The following SRGAP1 variants were observed in gnomAD, a reference collection of about 807,000 sequenced individuals.
SRGAP1 encodes SLIT-ROBO Rho GTPase activating protein 1, also known as SLIT-ROBO Rho GTPase-activating protein 1.
SRGAP1 carries 43 observed loss-of-function variants against 121.9 expected under a neutral mutation model. That is an observed-to-expected ratio of 0.35 (90% CI 0.28 to 0.46). The LOEUF (loss-of-function observed/expected upper bound fraction) is 0.46. SRGAP1 is among the 20% of genes least tolerant of loss of function. The pLI, the probability that SRGAP1 is intolerant of heterozygous loss-of-function variation, is 1.00. For missense variants in SRGAP1, 1,102 were observed against 1,350.9 expected (o/e 0.82, Z 2.89); for synonymous variants, 447 against 485.4 (o/e 0.92, Z 1.04).
chr12:64,021,720 TA>T (rs2034553979), intron 4 of SRGAP1, among the ~76,000 whole-genome samples: 1 of 152,228 alleles, frequency 6.6e-6, no homozygotes, highest in African/African-American at 2.4e-5. Context: ...AGCTCATTTA[TA>T]GTTTTTAGAA....
At chr12:64,108,884 A>G (rs1339822679) in intron 15 of SRGAP1, 48 bp from the exon 16 acceptor site, 10 of 1,417,510 alleles carry the variant, frequency 7.1e-6, no homozygotes, top group Non-Finnish European at 8.8e-6. Flanking sequence ...GTTCTGTTTT[A>G]AATGTGGCAA....
At chr12:63,999,901 A>G (rs1472310653) in intron 3 of SRGAP1, among the ~76,000 whole-genome samples, 1 of 152,136 alleles carries the variant, frequency 6.6e-6, no homozygotes, top group Admixed American at 6.6e-5. Flanking sequence ...AAAACTAGGA[A>G]TTAAAGGATA....
intron 1 of SRGAP1, among the ~76,000 whole-genome samples, chr12:63,852,200 G>T (rs1899099049): frequency 6.6e-6 from 1 of 151,994 alleles, no homozygotes. Flanking sequence ...TGTTGCCCAG[G>T]CTGGTTTCAA....
At chr12:64,062,474 C>G (rs961017195) in intron 6 of SRGAP1, among the ~76,000 whole-genome samples, 1 of 151,870 alleles carries the variant, frequency 6.6e-6, no homozygotes, top group Admixed American at 6.6e-5. Context: ...AAAATATCTT[C>G]CCATTCTGTG....
chr12:64,067,040 A>G (rs1256110645), intron 8 of SRGAP1, among the ~76,000 whole-genome samples: 3 of 152,082 alleles, frequency 2.0e-5, no homozygotes, highest in South Asian at 2.1e-4. Context: ...AAAAGAAAAA[A>G]AAAAGGTCTG....
intron 4 of SRGAP1, among the ~76,000 whole-genome samples, chr12:64,024,578 C>G (rs933916001): frequency 6.6e-6 from 1 of 152,174 alleles, no homozygotes; most frequent in African/African-American, 2.4e-5. Flanking sequence ...TCTAAGGATC[C>G]ATGTCTTGCT....
At chr12:63,994,859 T>A (rs1328686113) in intron 3 of SRGAP1, among the ~76,000 whole-genome samples, 1 of 152,224 alleles carries the variant, frequency 6.6e-6, no homozygotes. Context: ...CTTCTTTCCA[T>A]TACTCATGCT....
rs528073700 is a variant in SRGAP1, at chr12:64,065,099, G to A, written c.1024-19G>A. ...GGTTGATGGTGCCCTGTTGTAACTG[G>A]TTTCTCATTCTCCATCAGGTGTGCC... On this transcript the variant is annotated intron_variant, in intron 7 of 21. Transcript: ENST00000355086. 1 of 1,602,626 alleles carries A rather than the reference G, an allele frequency of 6.2e-7. No homozygotes were observed. Among genetic ancestry groups the A allele is most frequent in the South Asian group, 1.1e-5 (1 of 89,200 alleles).
intron 15 of SRGAP1, among the ~76,000 whole-genome samples, chr12:64,101,606 T>C (rs765590192): frequency 2.8e-4 from 43 of 152,078 alleles, no homozygotes; most frequent in Non-Finnish European, 5.6e-4. Context: ...CCAAGAGTTA[T>C]TTTGTTTTGT....
chr12:64,103,985 C>G (rs1363491649), intron 15 of SRGAP1, among the ~76,000 whole-genome samples: 2 of 152,178 alleles, frequency 1.3e-5, no homozygotes, highest in East Asian at 3.9e-4. Context: ...ATGTGTGTAC[C>G]CACTGTTAAA....
chr12:64,096,349 G>T lies in SRGAP1; in HGVS notation c.1679-892G>T, dbSNP rs1201765869. On this transcript the variant is annotated intron_variant, in intron 14 of 21. Transcript: ENST00000355086. ...GATCCCTAAAAATAAATTGCCCTAA[G>T]AAGCAAAAAAATACGTTAAAATGCA... 3.9e-5 allele frequency among the ~76,000 whole-genome samples: 6 copies of T among 152,104 alleles called. No individual in the cohort carries two copies. The East Asian group carries it at 1.2e-3, about 29-fold the overall frequency.
At chr12:63,953,960 C>T (rs1266574258) in intron 1 of SRGAP1, among the ~76,000 whole-genome samples, 7 of 152,132 alleles carry the variant, frequency 4.6e-5, no homozygotes, top group Non-Finnish European at 7.4e-5. Context: ...TATTTTTCAC[C>T]GTCAATCTTT....
At chr12:64,085,243 T>A (rs1331366498) in intron 10 of SRGAP1, among the ~76,000 whole-genome samples, 2 of 152,186 alleles carry the variant, frequency 1.3e-5, no homozygotes, top group Non-Finnish European at 2.9e-5. Context: ...CATAAAGTCG[T>A]TGTGAAAATT....
In SRGAP1 at chr12:63,858,077, T is replaced by C. The variant is rs113294939; in HGVS notation, c.67+13194T>C. ...CTTTTTCTTTTTGAATCTGTTGATA[T>C]TATGTTTTTTCTTCTTTACTCTGTT... On this transcript the variant is annotated intron_variant, in intron 1 of 21. Transcript: ENST00000355086. 5.6e-3 allele frequency among the ~76,000 whole-genome samples: 849 copies of C among 152,300 alleles called. 2 individuals carry two copies. Among genetic ancestry groups the C allele is most frequent in the Middle Eastern group, 0.01 (3 of 294 alleles).
chr12:64,005,978 AC>A (rs1431163032), intron 3 of SRGAP1, among the ~76,000 whole-genome samples: 4 of 152,162 alleles, frequency 2.6e-5, no homozygotes, highest in South Asian at 2.1e-4. Context: ...TTCAACTGGT[AC>A]CCCCATAGGA....
intron 1 of SRGAP1, among the ~76,000 whole-genome samples, chr12:63,912,804 C>T (rs2030563036): frequency 6.6e-6 from 1 of 152,096 alleles, no homozygotes; most frequent in South Asian, 2.1e-4. Flanking sequence ...AGAGGTAGTT[C>T]AGCCCTGCAA....
At chr12:63,899,347 A>G (rs928355366) in intron 1 of SRGAP1, among the ~76,000 whole-genome samples, 8 of 152,188 alleles carry the variant, frequency 5.3e-5, no homozygotes, top group Non-Finnish European at 7.3e-5. Flanking sequence ...CAAAAAAAAA[A>G]AGGAACCAGG....
chr12:64,043,656 C>A, intron 6 of SRGAP1, 81 bp downstream of exon 6: 2 of 1,113,152 alleles, frequency 1.8e-6, no homozygotes, highest in Non-Finnish European at 2.5e-6. Flanking sequence ...AAAATACTGT[C>A]ATTTCTTAAG....
chr12:64,057,308 G>A (rs1265990859), intron 6 of SRGAP1, among the ~76,000 whole-genome samples: 1 of 152,100 alleles, frequency 6.6e-6, no homozygotes, highest in Non-Finnish European at 1.5e-5. Context: ...TAAATTGTCA[G>A]CTAGCTCTCT....
Sources: allele counts gnomAD v4.1 joint callset (sites outside exome capture counted in the v4.1 genomes callset), GRCh38; gene constraint gnomAD v4.1.1; transcripts MANE v1.5; gene names NCBI Gene and HGNC (gene_info 2026-07-23, HGNC 2026-07-21).